NCALD: variants seen among roughly 807,000 people sequenced by gnomAD.
NCALD encodes the protein neurocalcin-delta.
A neutral mutation model predicts 18.6 loss-of-function variants in NCALD; 10 were observed. That is an observed-to-expected ratio of 0.54 (90% CI 0.33 to 0.91). The LOEUF (loss-of-function observed/expected upper bound fraction) is 0.91, where lower values mean the gene tolerates loss of function less well. Ranked by LOEUF, NCALD falls within the 40% of genes least tolerant of loss-of-function variation. NCALD has a pLI of 0.03. For synonymous variants in NCALD, 88 were observed against 87.4 expected (o/e 1.01, Z -0.04); for missense variants, 184 against 247.6 (o/e 0.74, Z 1.72).
At chr8:101,702,874 C>T (rs953458042) in intron 2 of NCALD, among the ~76,000 whole-genome samples, 2 of 152,206 alleles carry the variant, frequency 1.3e-5, no homozygotes, top group African/African-American at 4.8e-5. Context: ...AGAGAGATCC[C>T]ATCATCAAAA....
chr8:101,975,766 A>C (rs1820399190), intron 2 of NCALD, among the ~76,000 whole-genome samples: 1 of 152,178 alleles, frequency 6.6e-6, no homozygotes, highest in South Asian at 2.1e-4. Flanking sequence ...CACACTTTCC[A>C]GGCTTTCTGT....
At chr8:101,967,316 G>T (rs979225577) in intron 2 of NCALD, among the ~76,000 whole-genome samples, 2 of 152,074 alleles carry the variant, frequency 1.3e-5, no homozygotes, top group African/African-American at 4.8e-5. Flanking sequence ...ATAATTCAAA[G>T]GAATGTTTTA....
At chr8:102,021,037 A>C (rs1321376024) in intron 1 of NCALD, among the ~76,000 whole-genome samples, 1 of 152,150 alleles carries the variant, frequency 6.6e-6, no homozygotes, top group Non-Finnish European at 1.5e-5. Flanking sequence ...GCTACACTTG[A>C]CCATCTTAAG....
intron 2 of NCALD, among the ~76,000 whole-genome samples, chr8:101,991,608 G>A (rs1821051619): frequency 6.6e-6 from 1 of 152,118 alleles, no homozygotes; most frequent in African/African-American, 2.4e-5. Context: ...AAGGGCTGGG[G>A]GTCAGAGGTT....
chr8:101,828,335 G>A (rs935676542), intron 4 of NCALD, among the ~76,000 whole-genome samples: 6 of 152,078 alleles, frequency 3.9e-5, no homozygotes, highest in South Asian at 2.1e-4. Flanking sequence ...TTACTACCCC[G>A]ATTCAATGCT....
At chr8:102,025,708 A>G (rs751978729) in intron 1 of NCALD, among the ~76,000 whole-genome samples, 1 of 152,212 alleles carries the variant, frequency 6.6e-6, no homozygotes. Flanking sequence ...GGCAAAAATC[A>G]TGTTATATCT....
chr8:101,888,464 T>C (rs1023589318), intron 3 of NCALD, among the ~76,000 whole-genome samples: 3 of 152,094 alleles, frequency 2.0e-5, no homozygotes, highest in African/African-American at 7.2e-5. Context: ...GTCACCCAGA[T>C]GGGAGTGCAG....
intron 2 of NCALD, among the ~76,000 whole-genome samples, chr8:101,702,693 T>A (rs147321102): frequency 6.6e-6 from 1 of 152,250 alleles, no homozygotes; most frequent in African/African-American, 2.4e-5. Flanking sequence ...AAGAACTTTA[T>A]GTTCTGTGGT....
chr8:101,914,792 C>A (rs995984743), intron 3 of NCALD, among the ~76,000 whole-genome samples: 1 of 152,196 alleles, frequency 6.6e-6, no homozygotes, highest in African/African-American at 2.4e-5. Context: ...TATAGCACTA[C>A]AAGATGCTCC....
At chr8:102,114,698 C>G (rs1015587156) in intron 1 of NCALD, among the ~76,000 whole-genome samples, 4 of 152,204 alleles carry the variant, frequency 2.6e-5, no homozygotes, top group Admixed American at 2.0e-4. Context: ...CTCCCACCCT[C>G]CCGTCTCCTG....
intron 2 of NCALD, among the ~76,000 whole-genome samples, chr8:101,976,279 G>A (rs1820420197): frequency 6.6e-6 from 1 of 152,044 alleles, no homozygotes; most frequent in South Asian, 2.1e-4. Flanking sequence ...TTACCCATTT[G>A]AGAGTGCCTG....
chr8:101,895,568 C>G lies in NCALD; in HGVS notation c.-106-8341G>C, dbSNP rs1390620648. 8.4e-3 allele frequency among the ~76,000 whole-genome samples: 1,257 copies of G among 149,554 alleles called. 15 individuals carry two copies. The highest frequency in any genetic ancestry group is 0.029 in the African/African-American group (1,142 of 39,562). On this transcript the variant is annotated intron_variant, in intron 3 of 6. Coordinates refer to the NCALD transcript ENST00000311028. ...GTATTCAATTAGGAAAAGAGGAAGTCAAATTGTCCCTGTTTGCAGATGACA... is the reference window on the plus strand; with the variant it reads ...GTATTCAATTAGGAAAAGAGGAAGTGAAATTGTCCCTGTTTGCAGATGACA...
intron 1 of NCALD, chr8:101,721,232 C>T (rs1302887911): frequency 6.6e-6 from 1 of 152,236 alleles, no homozygotes; most frequent in Admixed American, 6.5e-5. Flanking sequence ...AGCATATCCC[C>T]ATTTTAATGA....
chr8:101,811,094 C>A (rs1165210018), intron 4 of NCALD, among the ~76,000 whole-genome samples: 1 of 152,132 alleles, frequency 6.6e-6, no homozygotes, highest in Admixed American at 6.6e-5. Flanking sequence ...CAGATTCATG[C>A]TCCCCTGTAC....
chr8:101,692,164 C>A, intron 3 of NCALD: 6 of 985,316 alleles, frequency 6.1e-6, no homozygotes, highest in South Asian at 4.7e-5. Context: ...ATCTAAAATC[C>A]TTCTGTTCTT....
rs117565098 is a variant in NCALD, at chr8:101,741,495, T to C, written c.-19-21847A>G. Among the ~76,000 whole-genome samples, 200 of 152,164 alleles carry C rather than the reference T, an allele frequency of 1.3e-3. 1 individual carries two copies. Among genetic ancestry groups the C allele is most frequent in the Non-Finnish European group, 2.6e-3 (174 of 68,014 alleles). On this transcript the variant is annotated intron_variant, in intron 1 of 3. Transcript: ENST00000220931. The stretch of plus-strand genomic sequence containing the variant: ...CAGTATATCATCAGAAGCACAAATA[T>C]AGTCATGTAATAAATGGCTGGGACT...
chr8:101,758,717 C>G (rs1417660428), intron 1 of NCALD, among the ~76,000 whole-genome samples: 2 of 152,164 alleles, frequency 1.3e-5, no homozygotes, highest in Non-Finnish European at 2.9e-5. Context: ...AGAGTTCTGT[C>G]TACAGATTAG....
intron 1 of NCALD, among the ~76,000 whole-genome samples, chr8:102,070,511 C>A (rs1267941238): frequency 6.6e-6 from 1 of 152,044 alleles, no homozygotes; most frequent in African/African-American, 2.4e-5. Context: ...CCTGGAAAAA[C>A]CAGACAGCAA....
intron 4 of NCALD, among the ~76,000 whole-genome samples, chr8:101,861,400 A>G (rs1037789333): frequency 1.3e-5 from 2 of 152,098 alleles, no homozygotes; most frequent in African/African-American, 4.8e-5. Flanking sequence ...GGCTCTAGCT[A>G]TCAGACCACA....
Sources: allele counts gnomAD v4.1 joint callset (sites outside exome capture counted in the v4.1 genomes callset), GRCh38; gene constraint gnomAD v4.1.1; transcripts MANE v1.5; gene names NCBI Gene and HGNC (gene_info 2026-07-23, HGNC 2026-07-21).